The following PTPRS variants were observed in gnomAD, a reference collection of about 807,000 sequenced individuals.
PTPRS encodes receptor-type tyrosine-protein phosphatase S.
A neutral mutation model predicts 215.3 loss-of-function variants in PTPRS; 63 were observed. The ratio of observed to expected loss-of-function variants is 0.29; its 90% CI spans 0.24 to 0.36. PTPRS has a LOEUF of 0.36. Ranked by LOEUF, PTPRS falls within the 10% of genes least tolerant of loss-of-function variation. The pLI is 1.00. For synonymous variants in PTPRS, 1,404 were observed against 1,191.4 expected (o/e 1.18, Z -3.68); for missense variants, 2,258 against 2,825.8 (o/e 0.80, Z 4.56).
intron 30 of PTPRS, among the ~76,000 whole-genome samples, 184 bp downstream of exon 30, chr19:5,214,177 C>T (rs1599383233): frequency 6.6e-6 from 1 of 152,360 alleles, no homozygotes; most frequent in African/African-American, 2.4e-5. Context: ...CAAGCAGTGT[C>T]CTCTCTGAGC....
intron 2 of PTPRS, among the ~76,000 whole-genome samples, chr19:5,276,636 G>A (rs1599880825): frequency 6.6e-6 from 1 of 151,876 alleles, no homozygotes; most frequent in Non-Finnish European, 1.5e-5. Flanking sequence ...CGCCTCCCAG[G>A]TTCACACCAT....
At chr19:5,269,538 C>T (rs1262449991) in intron 4 of PTPRS, among the ~76,000 whole-genome samples, 3 of 152,022 alleles carry the variant, frequency 2.0e-5, no homozygotes, top group East Asian at 3.9e-4. Flanking sequence ...TGGGTGGGAT[C>T]GGGTCAGGGT....
At chr19:5,307,117 C>T (rs894882734) in intron 1 of PTPRS, among the ~76,000 whole-genome samples, 2 of 151,998 alleles carry the variant, frequency 1.3e-5, no homozygotes, top group African/African-American at 4.8e-5. Flanking sequence ...CCAGCCTGGC[C>T]AACATGGCAA....
At position 5,222,883 on chromosome 19, in the gene PTPRS, C is replaced by T. The variant is rs764731638; in HGVS notation, c.2909G>A (p.Arg970Gln). Residue 970 changes from arginine (R) to glutamine (Q), a missense_variant, in exon 18 of 38, where the codon CGG becomes CAG. Physicochemically the swap from Arg to Gln is conservative, Grantham distance 43. Coordinates refer to ENST00000262963, the MANE Select transcript of PTPRS (RefSeq NM_002850.4). Reference sequence around the variant, plus strand: ...GGCAGGGCCCAGGGCACCGGCCTCCCGCACGGCCACCGTGTATTTGACGAT... The same window carrying T: ...GGCAGGGCCCAGGGCACCGGCCTCCTGCACGGCCACCGTGTATTTGACGAT... ...GAIVKYTVAVREAGALGPARE... is the reference protein window; with the variant it reads ...GAIVKYTVAVQEAGALGPARE... 4.4e-5 allele frequency: 69 copies of T among 1,575,778 alleles called. No homozygotes were observed. The highest frequency in any genetic ancestry group is 5.2e-5 in the Non-Finnish European group (61 of 1,167,636).
chr19:5,222,308 G>T, intron 18 of PTPRS, 88 bp from the exon 19 acceptor site: 2 of 1,115,632 alleles, frequency 1.8e-6, no homozygotes, highest in Non-Finnish European at 2.7e-6. Context: ...GGGTGGGGTG[G>T]GGCGGCCCAG....
intron 2 of PTPRS, among the ~76,000 whole-genome samples, chr19:5,281,222 A>G (rs992337126): frequency 3.3e-5 from 5 of 151,912 alleles, no homozygotes; most frequent in Non-Finnish European, 7.4e-5. Context: ...GCACTTTGGG[A>G]GGCCAAAGCG....
At chr19:5,225,874 G>A (rs907602238) in intron 16 of PTPRS, 30 bp from the exon 17 acceptor site, 41 of 1,580,544 alleles carry the variant, frequency 2.6e-5, no homozygotes, top group Admixed American at 8.3e-5. Context: ...TCAGCACGAC[G>A]GCTGGGGCTG....
chr19:5,248,545 G>A lies in PTPRS; in HGVS notation c.719-2500C>T, dbSNP rs544261714. Among the ~76,000 whole-genome samples the A allele has an allele frequency of 3.3e-5, 5 of 152,242 alleles. No homozygotes were observed. In the South Asian group the frequency reaches 6.2e-4, roughly 19 times the overall value. The stretch of plus-strand genomic sequence containing the variant: ...AGAGTCTTGGCCACGGGTTTGGGGC[G>A]GCCACAGGGGTGGGAGCCTCGTGGA... On this transcript the variant is annotated intron_variant, in intron 9 of 37. Coordinates refer to ENST00000262963, the MANE Select transcript of PTPRS (RefSeq NM_002850.4).
intron 1 of PTPRS, among the ~76,000 whole-genome samples, chr19:5,302,442 G>A (rs369300590): frequency 6.6e-6 from 1 of 152,112 alleles, no homozygotes; most frequent in Admixed American, 6.5e-5. Flanking sequence ...CAACAGTATC[G>A]CATATCTCTA....
chr19:5,212,778 GATTGCAGT>G (rs906206185), intron 30 of PTPRS, among the ~76,000 whole-genome samples: 25 of 151,880 alleles, frequency 1.6e-4, no homozygotes, highest in African/African-American at 5.8e-4. Flanking sequence ...GGGAGGTGGA[GATTGCAGT>G]GAGCTGAGAT....
At chr19:5,300,809 G>A (rs1350263158) in intron 1 of PTPRS, among the ~76,000 whole-genome samples, 6 of 151,026 alleles carry the variant, frequency 4.0e-5, no homozygotes, top group African/African-American at 1.5e-4. Context: ...AGAAAAAGCG[G>A]TAAAATATAT....
In PTPRS at chr19:5,339,022, G is replaced by T. The variant is rs1227618567; in HGVS notation, c.-95+1642C>A. Among the ~76,000 whole-genome samples, 1 of 152,180 alleles carries T rather than the reference G, an allele frequency of 6.6e-6. No individual in the cohort carries two copies. The highest frequency in any genetic ancestry group is 1.9e-4 in the East Asian group (1 of 5,184). Reference sequence around the variant, plus strand: ...TGGGTCCCTGTCCTTGGGACCCTAGGGGTCTCTTCCTGCCTCCTCCGGCTT... The same window carrying T: ...TGGGTCCCTGTCCTTGGGACCCTAGTGGTCTCTTCCTGCCTCCTCCGGCTT... On this transcript the variant is annotated intron_variant, in intron 1 of 37. Transcript: ENST00000262963. The surrounding 1 kb of genome is among the most constrained non-coding windows in gnomAD (Gnocchi z 4.2).
chr19:5,271,293 G>C (rs2046885818), intron 4 of PTPRS, among the ~76,000 whole-genome samples: 1 of 152,104 alleles, frequency 6.6e-6, no homozygotes. Context: ...CGGGGAAGTA[G>C]AATTGACCAA....
At chr19:5,284,593 G>A (rs557009442) in intron 2 of PTPRS, among the ~76,000 whole-genome samples, 1 of 152,034 alleles carries the variant, frequency 6.6e-6, no homozygotes, top group Non-Finnish European at 1.5e-5. Flanking sequence ...GCTGATAATC[G>A]CATTCACCTC....
chr19:5,274,033 G>A (rs528584420), intron 3 of PTPRS, among the ~76,000 whole-genome samples, 166 bp downstream of exon 3: 35 of 152,342 alleles, frequency 2.3e-4, no homozygotes, highest in Admixed American at 1.2e-3. Flanking sequence ...GGTAGAGCAA[G>A]TAAGGCGGGC....
At chr19:5,337,265 G>T (rs1344698025) in intron 1 of PTPRS, among the ~76,000 whole-genome samples, 2 of 152,032 alleles carry the variant, frequency 1.3e-5, no homozygotes, top group African/African-American at 4.8e-5. Flanking sequence ...CCTCCCGCTC[G>T]CCCCCATCCC....
In PTPRS at chr19:5,294,048, C is replaced by G. The variant is rs2049046080; in HGVS notation, c.-94-7814G>C. On this transcript the variant is annotated intron_variant, in intron 1 of 37. Transcript: ENST00000262963. This position sits in a 1 kb window ranked among gnomAD's most constrained non-coding sequence, Gnocchi z 5.1. ...CCCGGAATGTAGAAGCCCAGCGGGA[C>G]CTGGGGGTCTGGGGACGGGACAGGG... Among the ~76,000 whole-genome samples the G allele has an allele frequency of 6.6e-6, 1 of 152,140 alleles. No individual in the cohort carries two copies. The highest frequency in any genetic ancestry group is 1.5e-5 in the Non-Finnish European group (1 of 68,022).
intron 2 of PTPRS, among the ~76,000 whole-genome samples, chr19:5,284,044 C>T (rs1412234866): frequency 2.6e-5 from 4 of 151,902 alleles, no homozygotes; most frequent in African/African-American, 9.7e-5. Context: ...GTAAGAACTC[C>T]ATCTCTACAA....
At chr19:5,331,376 TC>T (rs2050321226) in intron 1 of PTPRS, among the ~76,000 whole-genome samples, 1 of 151,972 alleles carries the variant, frequency 6.6e-6, no homozygotes, top group African/African-American at 2.4e-5. Context: ...CAAGCAATCC[TC>T]CCGCTTTAAC....
Sources: allele counts gnomAD v4.1 joint callset (sites outside exome capture counted in the v4.1 genomes callset), GRCh38; gene constraint gnomAD v4.1.1; non-coding constraint Gnocchi (gnomAD v3.1); transcripts MANE v1.5; gene names NCBI Gene and HGNC (gene_info 2026-07-23, HGNC 2026-07-21).